Variants in CERS3 observed in about 807,000 individuals in gnomAD.
CERS3 encodes ceramide synthase 3, also known as LAG1 homolog, ceramide synthase 3.
Under a neutral mutation model 50.3 loss-of-function variants are expected in CERS3, and 33 were observed. The ratio of observed to expected loss-of-function variants is 0.66; its 90% CI spans 0.50 to 0.88. The LOEUF (loss-of-function observed/expected upper bound fraction) is 0.88. Among genes scored for constraint, CERS3 ranks in the 40% least tolerant of loss-of-function variants. The pLI is 0.00. For missense variants in CERS3, 470 were observed against 460.3 expected, an observed-to-expected ratio of 1.02 and a Z score of -0.19; for synonymous variants, 176 against 155.2, an observed-to-expected ratio of 1.13 and a Z score of -0.99.
intron 3 of CERS3, among the ~76,000 whole-genome samples, chr15:100,493,516 T>A (rs188234095): frequency 4.6e-5 from 7 of 152,346 alleles, no homozygotes; most frequent in African/African-American, 1.7e-4. Flanking sequence ...TATGTAGATG[T>A]AGTTCTCTTT....
Position 100,413,702 on chromosome 15 carries a change from C to T in CERS3, c.1000-10837G>A, listed in dbSNP as rs188636927. On this transcript the variant is annotated intron_variant, in intron 11 of 11. Coordinates refer to ENST00000679737, the MANE Select transcript of CERS3 (RefSeq NM_001378789.1). Reference sequence around the variant, plus strand: ...ATGTGGGGAAAAAGAAACACTCATACATTTGGTTAGAAAAATAGGTTGGCA... The same window carrying T: ...ATGTGGGGAAAAAGAAACACTCATATATTTGGTTAGAAAAATAGGTTGGCA... 4.8e-3 allele frequency among the ~76,000 whole-genome samples: 724 copies of T among 149,682 alleles called. 9 individuals are homozygous for T. The highest frequency in any genetic ancestry group is 0.016 in the African/African-American group (641 of 40,688).
chr15:100,483,781 A>ATTTTT lies in CERS3; in HGVS notation c.407+768_407+769insAAAAA, dbSNP rs1267906519. ...AGGATCAATAATAATAATAATTATT[A>ATTTTT]TTATTATTTTTTTTTTTGAGACAGA... is the stretch of plus-strand genomic sequence containing the variant. On this transcript the variant is annotated intron_variant, in intron 5 of 11. Coordinates refer to ENST00000679737, the MANE Select transcript of CERS3 (RefSeq NM_001378789.1). Among the ~76,000 whole-genome samples the ATTTTT allele has an allele frequency of 6.3e-3, 486 of 77,530 alleles. 1 individual carries two copies. The highest frequency in any genetic ancestry group is 0.011 in the South Asian group (21 of 1,926). The allele number at this position is 77,530 out of a possible 152,430, so 50.9% of individuals were successfully genotyped here. A position where few individuals can be genotyped will look rare whatever the true frequency, so the allele number is the denominator to read the frequency against.
At chr15:100,405,479 A>T (rs537353818) in intron 11 of CERS3, among the ~76,000 whole-genome samples, 13 of 152,326 alleles carry the variant, frequency 8.5e-5, no homozygotes, top group Admixed American at 8.5e-4. Flanking sequence ...CAATTGGAAC[A>T]CCCACACAAT....
intron 1 of CERS3, among the ~76,000 whole-genome samples, chr15:100,536,504 C>T (rs2037078595): frequency 6.6e-6 from 1 of 152,120 alleles, no homozygotes; most frequent in South Asian, 2.1e-4. Context: ...AGGCTGGTCT[C>T]GAATTCCTAA....
At chr15:100,482,160 A>T (rs1471295643) in intron 5 of CERS3, among the ~76,000 whole-genome samples, 1 of 152,212 alleles carries the variant, frequency 6.6e-6, no homozygotes, top group African/African-American at 2.4e-5. Context: ...ATGAATGATA[A>T]TATCCTTGTC....
chr15:100,405,584 T>C (rs1323413139), intron 11 of CERS3, among the ~76,000 whole-genome samples: 1 of 152,196 alleles, frequency 6.6e-6, no homozygotes, highest in Non-Finnish European at 1.5e-5. Flanking sequence ...AAAATGTTAG[T>C]TTCAAAATAT....
intron 4 of CERS3, among the ~76,000 whole-genome samples, chr15:100,487,923 CAT>C (rs1228523066): frequency 1.3e-5 from 2 of 152,034 alleles, no homozygotes; most frequent in Non-Finnish European, 2.9e-5. Flanking sequence ...TGCATCAGTT[CAT>C]ATATATATAA....
At position 100,417,717 on chromosome 15, in the gene CERS3, C is replaced by T. The variant is rs542362418; in HGVS notation, c.1000-14852G>A. Among the ~76,000 whole-genome samples, 243 of 152,022 alleles carry T rather than the reference C, an allele frequency of 1.6e-3. 2 individuals carry two copies. The highest frequency in any genetic ancestry group is 5.1e-3 in the Admixed American group (78 of 15,302). On this transcript the variant is annotated intron_variant, in intron 11 of 11. Coordinates refer to ENST00000679737, the MANE Select transcript of CERS3 (RefSeq NM_001378789.1). The stretch of plus-strand genomic sequence containing the variant: ...TTGAAGAGAGCAGTGGTTCTCCCAG[C>T]ACGCAGCTGGAGATCTGAGAACGGG...
upstream of CERS3, among the ~76,000 whole-genome samples, chr15:100,529,975 A>T (rs969461592): frequency 2.0e-5 from 3 of 152,230 alleles, no homozygotes; most frequent in Non-Finnish European, 4.4e-5. Flanking sequence ...TTCACTAATG[A>T]ATTTAGTTCA....
intron 11 of CERS3, among the ~76,000 whole-genome samples, chr15:100,425,580 C>G (rs769790142): frequency 2.6e-5 from 4 of 152,156 alleles, no homozygotes; most frequent in Non-Finnish European, 4.4e-5. Context: ...ACCTATACCC[C>G]CATTGTGTCT....
chr15:100,476,567 C>G (rs1053739627), intron 7 of CERS3, among the ~76,000 whole-genome samples: 1 of 152,164 alleles, frequency 6.6e-6, no homozygotes, highest in Admixed American at 6.6e-5. Context: ...TTGAATATTA[C>G]TCAAAATCTG....
intron 6 of CERS3, 106 bp from the exon 7 acceptor site, chr15:100,479,584 C>T: frequency 5.1e-6 from 4 of 782,486 alleles, no homozygotes; most frequent in Non-Finnish European, 8.3e-6. Context: ...TCATTTACAG[C>T]AGGCAAAGAT....
rs376522637 is a variant in CERS3 at position 100,467,896 on chromosome 15, G to T, written c.845+1482C>A. 1.7e-3 allele frequency among the ~76,000 whole-genome samples: 73 copies of T among 42,684 alleles called. 2 individuals carry two copies. The highest frequency in any genetic ancestry group is 0.014 in the Middle Eastern group (1 of 70). 28.0% of individuals were successfully genotyped at this position (42,684 alleles called of 152,430 possible). ...ATAGATAGATATAGATATAGATATAGATATATTTAAAGACAGGGTCTCACT... is the reference window on the plus strand; with the variant it reads ...ATAGATAGATATAGATATAGATATATATATATTTAAAGACAGGGTCTCACT... On this transcript the variant is annotated intron_variant, in intron 10 of 11. Coordinates refer to ENST00000679737, the MANE Select transcript of CERS3 (RefSeq NM_001378789.1).
intron 1 of CERS3, among the ~76,000 whole-genome samples, chr15:100,543,178 C>T (rs542820816): frequency 2.0e-5 from 3 of 152,120 alleles, no homozygotes; most frequent in Non-Finnish European, 4.4e-5. Flanking sequence ...TCCCAAAGTG[C>T]TAGGATTACA....
chr15:100,421,443 C>T (rs977779412), intron 11 of CERS3, among the ~76,000 whole-genome samples: 2 of 152,172 alleles, frequency 1.3e-5, no homozygotes, highest in Non-Finnish European at 2.9e-5. Context: ...AGGATACAAA[C>T]AAATGGAAGA....
At chr15:100,505,841 C>G (rs1381746937) in intron 2 of CERS3, among the ~76,000 whole-genome samples, 1 of 152,208 alleles carries the variant, frequency 6.6e-6, no homozygotes, top group South Asian at 2.1e-4. Flanking sequence ...GATCCCATCT[C>G]TACAAAAAAT....
intron 11 of CERS3, among the ~76,000 whole-genome samples, chr15:100,441,183 C>T (rs923032983): frequency 1.6e-4 from 25 of 151,962 alleles, no homozygotes; most frequent in African/African-American, 3.6e-4. Flanking sequence ...TTCTGCACCC[C>T]GACCTCTTAT....
intron 1 of CERS3, among the ~76,000 whole-genome samples, chr15:100,543,762 T>G (rs1472248020): frequency 6.6e-6 from 1 of 152,164 alleles, no homozygotes; most frequent in African/African-American, 2.4e-5. Context: ...ACTCTTGACC[T>G]CTGGTGATTC....
intron 11 of CERS3, among the ~76,000 whole-genome samples, chr15:100,410,687 T>C (rs2031413399): frequency 6.6e-6 from 1 of 152,198 alleles, no homozygotes; most frequent in African/African-American, 2.4e-5. Flanking sequence ...TCATATCACA[T>C]GGTAATTAAC....
Sources: allele counts gnomAD v4.1 joint callset (sites outside exome capture counted in the v4.1 genomes callset), GRCh38; gene constraint gnomAD v4.1.1; transcripts MANE v1.5; gene names NCBI Gene and HGNC (gene_info 2026-07-23, HGNC 2026-07-21).